ZSWIM4: variants seen among roughly 807,000 people sequenced by gnomAD.
The protein encoded by ZSWIM4 is zinc finger SWIM domain-containing protein 4.
Under a neutral mutation model 102.5 loss-of-function variants are expected in ZSWIM4, and 62 were observed. The observed-to-expected ratio is 0.60, with a 90% CI of 0.49 to 0.75. The LOEUF (loss-of-function observed/expected upper bound fraction) is 0.75. ZSWIM4 is among the 30% of genes least tolerant of loss of function. ZSWIM4 has a pLI of 0.00. For missense variants in ZSWIM4, 1,280 were observed against 1,529.6 expected, an observed-to-expected ratio of 0.84 and a Z score of 2.72; for synonymous variants, 652 against 674.5, an observed-to-expected ratio of 0.97 and a Z score of 0.52.
At chr19:13,817,519 TCTC>T (rs906299494) in intron 8 of ZSWIM4, among the ~76,000 whole-genome samples, 166 bp downstream of exon 8, 4 of 152,240 alleles carry the variant, frequency 2.6e-5, no homozygotes, top group Admixed American at 2.0e-4. Flanking sequence ...AGGCTTAGCT[TCTC>T]CTGAAAGTGA....
intron 10 of ZSWIM4, 56 bp from the exon 11 acceptor site, chr19:13,823,290 G>C (rs1975516251): frequency 1.3e-6 from 2 of 1,559,908 alleles, no homozygotes; most frequent in Non-Finnish European, 1.7e-6. Flanking sequence ...CTGTCTCCTA[G>C]AGAGAATGGG....
In ZSWIM4 at chr19:13,819,364, C is replaced by T; in HGVS notation, c.1932C>T (p.Pro644=). The T allele has an allele frequency of 1.2e-6, 2 of 1,613,952 alleles. No individual in the cohort carries two copies. Among genetic ancestry groups the T allele is most frequent in the Non-Finnish European group, 1.7e-6 (2 of 1,179,926 alleles). The change falls in exon 10 of 14, where the codon CCC becomes CCT. Residue 644 remains proline, a synonymous_variant. Coordinates refer to ENST00000590508, the MANE Select transcript of ZSWIM4 (RefSeq NM_001367834.3). ...CTCAGGCTGTTCCTGCAGGGGGTCCCTTCAGTGGCTTTGGGGAGGTGCTGT... is the reference window on the plus strand; with the variant it reads ...CTCAGGCTGTTCCTGCAGGGGGTCCTTTCAGTGGCTTTGGGGAGGTGCTGT... ...KQAGLLLEGG[P]FSGFGEVLFR... is the part of the protein sequence containing the mutation.
rs1057179020 is a variant in ZSWIM4, at chr19:13,804,888, C to T, written c.452C>T (p.Thr151Met). 7 of 1,613,518 alleles carry T rather than the reference C, an allele frequency of 4.3e-6. No individual in the cohort carries two copies. The Admixed American group carries it at 5.0e-5, about 12-fold the overall frequency. The change falls in exon 3 of 14, where the codon ACG becomes ATG. Residue 151 changes from threonine (T) to methionine (M), a missense_variant. By Grantham distance (81) the Thr-to-Met change is moderately conservative. Coordinates refer to ENST00000590508, the MANE Select transcript of ZSWIM4 (RefSeq NM_001367834.3). ...ATCAGCTTTGATCGCTGCAAGATCA[C>T]GTCCGTGAGCTGCGGCTGTGACAAC... ...VSISFDRCKI[T>M]SVSCGCDNRD...
At chr19:13,823,021 C>T (rs1002034835) in intron 10 of ZSWIM4, among the ~76,000 whole-genome samples, 2 of 151,702 alleles carry the variant, frequency 1.3e-5, no homozygotes, top group African/African-American at 2.4e-5. Context: ...TATGGTGGCA[C>T]GTGCCTGTAG....
chr19:13,802,642 G>A (rs142596307), intron 2 of ZSWIM4, among the ~76,000 whole-genome samples: 183 of 151,828 alleles, frequency 1.2e-3, no homozygotes, highest in Middle Eastern at 3.4e-3. Context: ...GCAGTGGCGC[G>A]ATAATAGCTC....
rs1224700912 is a variant in ZSWIM4 at position 13,825,033 on chromosome 19, GCTTTT to G, written c.2216-506_2216-502del. Among the ~76,000 whole-genome samples the G allele has an allele frequency of 1.6e-5, 2 of 124,382 alleles. No homozygotes were observed. Among genetic ancestry groups the G allele is most frequent in the East Asian group, 4.2e-4 (2 of 4,796 alleles). 81.6% of individuals were successfully genotyped at this position (124,382 alleles called of 152,430 possible). ...GAGAGGTCCATAGGATCCCTAGGTG[GCTTTT>G]CTTTTCTTTTTTTTTTTTTTGAGAT... On this transcript the variant is annotated intron_variant, in intron 11 of 13. Coordinates refer to ENST00000590508, the MANE Select transcript of ZSWIM4 (RefSeq NM_001367834.3). This position sits in a 1 kb window ranked among gnomAD's most constrained non-coding sequence, Gnocchi z 4.6.
chr19:13,803,115 T>C lies in ZSWIM4; in HGVS notation c.356-1677T>C, dbSNP rs541650380. ...TCCCAGCTAGAGGTCGGGGCTGGGCTGATATGATGCCCCGTCGGCTCTATC... is the reference window on the plus strand; with the variant it reads ...TCCCAGCTAGAGGTCGGGGCTGGGCCGATATGATGCCCCGTCGGCTCTATC... On this transcript the variant is annotated intron_variant, in intron 2 of 13. Coordinates refer to ENST00000590508, the MANE Select transcript of ZSWIM4 (RefSeq NM_001367834.3). Among the ~76,000 whole-genome samples, 3 of 152,368 alleles carry C rather than the reference T, an allele frequency of 2.0e-5. No homozygotes were observed. In the East Asian group the frequency reaches 5.8e-4, roughly 29 times the overall value.
At chr19:13,810,183 G>C (rs1223302835) in intron 5 of ZSWIM4, among the ~76,000 whole-genome samples, 1 of 151,686 alleles carries the variant, frequency 6.6e-6, no homozygotes, top group African/African-American at 2.4e-5. Flanking sequence ...TTTTTTATTA[G>C]AGACGGGGTT....
chr19:13,805,088 A>G lies in ZSWIM4; in HGVS notation c.652A>G (p.Thr218Ala), dbSNP rs554641061. Reference sequence around the variant, plus strand: ...CGCCCATCACACTGAGGTGCTGCCCACTGCTCAGCGCTTGGCTGATGAGAT... The same window carrying G: ...CGCCCATCACACTGAGGTGCTGCCCGCTGCTCAGCGCTTGGCTGATGAGAT... ...ISAHHTEVLPTAQRLADEILL... is the reference protein window; with the variant it reads ...ISAHHTEVLPAAQRLADEILL... Residue 218 changes from threonine (T) to alanine (A), a missense_variant, in exon 3 of 14, where the codon ACT becomes GCT. Transcript: ENST00000590508. 1.3e-5 allele frequency: 21 copies of G among 1,605,606 alleles called. No homozygotes were observed. The highest frequency in any genetic ancestry group is 1.8e-5 in the Non-Finnish European group (21 of 1,179,966).
At chr19:13,799,659 C>A in intron 1 of ZSWIM4, 61 bp from the exon 2 acceptor site, 1 of 1,543,430 alleles carries the variant, frequency 6.5e-7, no homozygotes, top group Non-Finnish European at 9.0e-7. Context: ...CCCTCCTAAG[C>A]TTCCCAAAGC....
chr19:13,825,572 G>A lies in ZSWIM4; in HGVS notation c.2238G>A (p.Thr746=), dbSNP rs752570425. The A allele has an allele frequency of 2.0e-5, 32 of 1,614,028 alleles. No individual in the cohort carries two copies. The highest frequency in any genetic ancestry group is 6.7e-5 in the Admixed American group (4 of 59,998). ...AAKGDPKWLH[T]VLGSIQQNIH... The stretch of plus-strand genomic sequence containing the variant: ...CAGGAGACCCCAAGTGGCTGCACAC[G>A]GTACTGGGCTCCATCCAGCAGAACA... The change falls in exon 12 of 14, where the codon ACG becomes ACA. Residue 746 remains threonine, a synonymous_variant. Transcript: ENST00000590508. This position sits in a 1 kb window ranked among gnomAD's most constrained non-coding sequence, Gnocchi z 4.6.
intron 7 of ZSWIM4, 130 bp from the exon 8 acceptor site, chr19:13,817,086 T>A: frequency 7.6e-7 from 1 of 1,312,138 alleles, no homozygotes; most frequent in Non-Finnish European, 1.0e-6. Flanking sequence ...AAGTTGAAGG[T>A]GACCATTGGG....
chr19:13,816,622 C>G (rs1320003529), intron 7 of ZSWIM4, among the ~76,000 whole-genome samples: 2 of 152,068 alleles, frequency 1.3e-5, no homozygotes, highest in African/African-American at 2.4e-5. Context: ...AAGAGCAAAA[C>G]TCCATCTCAG....
At position 13,830,334 on chromosome 19, in the gene ZSWIM4, T is replaced by C. The variant is rs1467455244; in HGVS notation, c.2605T>C (p.Trp869Arg). The change falls in exon 14 of 14, where the codon TGG becomes CGG. Residue 869 changes from tryptophan (W) to arginine (R), a missense_variant. Physicochemically the swap from Trp to Arg is moderately radical, Grantham distance 101 (BLOSUM62 -3). Transcript: ENST00000590508. The stretch of plus-strand genomic sequence containing the variant: ...GGACACATCGCGGAGGGAGGAGCTC[T>C]GGGCCTGCGCCCGCACCCTGGCCTT... Reference protein sequence around the residue: ...QLDTSRREELWACARTLALQC... With the variant: ...QLDTSRREELRACARTLALQC... 3.1e-6 allele frequency: 5 copies of C among 1,613,338 alleles called. No homozygotes were observed. The South Asian group carries it at 5.5e-5, about 18-fold the overall frequency.
At chr19:13,820,158 A>C (rs1246641895) in intron 10 of ZSWIM4, among the ~76,000 whole-genome samples, 1 of 152,130 alleles carries the variant, frequency 6.6e-6, no homozygotes, top group East Asian at 1.9e-4. Flanking sequence ...TGGCCTCCCA[A>C]AGTGCTAGGA....
At chr19:13,799,981 A>AC in intron 2 of ZSWIM4, 60 bp downstream of exon 2, 1 of 1,531,378 alleles carries the variant, frequency 6.5e-7, no homozygotes, top group African/African-American at 1.4e-5. Context: ...AGGCCTGGAA[A>AC]TGGGGGAGTT....
chr19:13,803,884 C>G (rs1395193434), intron 2 of ZSWIM4, among the ~76,000 whole-genome samples: 1 of 147,682 alleles, frequency 6.8e-6, no homozygotes, highest in Non-Finnish European at 1.5e-5. Flanking sequence ...TTTTTTGAGA[C>G]AGAGTCTCAT....
intron 11 of ZSWIM4, among the ~76,000 whole-genome samples, chr19:13,823,850 G>A (rs1490365370): frequency 6.6e-6 from 1 of 152,182 alleles, no homozygotes; most frequent in Non-Finnish European, 1.5e-5. Context: ...AGCTCAGGCT[G>A]CTGTAACAAA....
intron 2 of ZSWIM4, among the ~76,000 whole-genome samples, chr19:13,803,154 C>T (rs1974818970): frequency 6.6e-6 from 1 of 152,214 alleles, no homozygotes. Context: ...TTTGGAGCCC[C>T]TTTGCTGGGA....
Sources: allele counts gnomAD v4.1 joint callset (sites outside exome capture counted in the v4.1 genomes callset), GRCh38; gene constraint gnomAD v4.1.1; non-coding constraint Gnocchi (gnomAD v3.1); transcripts MANE v1.5; gene names NCBI Gene and HGNC (gene_info 2026-07-23, HGNC 2026-07-21).